The following SEC31B variants were observed in gnomAD, a reference collection of about 807,000 sequenced individuals.
SEC31B encodes the protein SEC31 homolog B, COPII component, also known as protein transport protein Sec31B.
A neutral mutation model predicts 135.0 loss-of-function variants in SEC31B; 113 were observed. That is an observed-to-expected ratio of 0.84 (90% confidence interval 0.72 to 0.98). The LOEUF (loss-of-function observed/expected upper bound fraction) is 0.98. Among genes scored for constraint, SEC31B ranks in the 50% least tolerant of loss-of-function variants. The probability of loss-of-function intolerance (pLI) is 0.00; values close to 1 mark genes in which losing one functional copy is unlikely to be tolerated. For missense variants in SEC31B, 1,296 were observed against 1,421.1 expected (o/e 0.91, Z 1.42); for synonymous variants, 508 against 549.4 (o/e 0.92, Z 1.05).
chr10:100,513,072 C>T (rs1851763711), intron 3 of SEC31B, among the ~76,000 whole-genome samples: 1 of 152,196 alleles, frequency 6.6e-6, no homozygotes, highest in Non-Finnish European at 1.5e-5. Context: ...GTTTATGATA[C>T]TGACTGTTGA....
intron 12 of SEC31B, 82 bp from the exon 13 acceptor site, chr10:100,499,340 C>T (rs1387954692): frequency 8.3e-7 from 1 of 1,197,756 alleles, no homozygotes; most frequent in Admixed American, 2.0e-5. Context: ...CTCCATACCC[C>T]ACCAACTGTA....
chr10:100,497,097 T>G (rs1851424067), intron 17 of SEC31B, 38 bp downstream of exon 17: 44 of 1,603,294 alleles, frequency 2.7e-5, no homozygotes, highest in Non-Finnish European at 3.7e-5. Flanking sequence ...CCTAAGGGCC[T>G]GGTGTGGAGT....
In SEC31B at chr10:100,499,650, G is replaced by T. The variant is rs112182216; in HGVS notation, c.1411-52C>A. On this transcript the variant is annotated intron_variant, in intron 11 of 25. Coordinates refer to ENST00000370345, the MANE Select transcript of SEC31B (RefSeq NM_015490.4). ...ATTCCATTAAATGAACATAAATGAC[G>T]CTCTTCCTACAACAAGCTGGGTATC... 1,998 of 1,334,550 alleles carry T rather than the reference G, an allele frequency of 1.5e-3. 26 individuals are homozygous for T. The African/African-American group carries it at 0.025, about 17-fold the overall frequency. 82.7% of individuals were successfully genotyped at this position (1,334,550 alleles called of 1,614,324 possible).
intron 15 of SEC31B, 92 bp from the exon 16 acceptor site, chr10:100,497,885 T>C (rs1851442777): frequency 6.2e-7 from 1 of 1,601,724 alleles, no homozygotes. Context: ...GAGCACTGAG[T>C]AGGGGCAAGG....
chr10:100,507,653 G>A, intron 6 of SEC31B, 86 bp from the exon 7 acceptor site: 1 of 1,559,120 alleles, frequency 6.4e-7, no homozygotes, highest in Non-Finnish European at 8.8e-7. Context: ...CAAGTTTTCT[G>A]TCTCTTTTGT....
intron 3 of SEC31B, among the ~76,000 whole-genome samples, chr10:100,515,865 T>C (rs1271601282): frequency 6.6e-6 from 1 of 151,512 alleles, no homozygotes; most frequent in East Asian, 1.9e-4. Context: ...GTCTGAGGCA[T>C]CTCTATCACA....
intron 10 of SEC31B, among the ~76,000 whole-genome samples, chr10:100,504,385 G>C (rs951250981): frequency 2.6e-5 from 4 of 152,162 alleles, no homozygotes; most frequent in Non-Finnish European, 5.9e-5. Flanking sequence ...AAGTGCTTCA[G>C]GGCCTTGTCA....
chr10:100,505,779 T>G (rs1480825531), intron 9 of SEC31B: 1 of 1,418,346 alleles, frequency 7.1e-7, no homozygotes, highest in Admixed American at 2.9e-5. Context: ...GAAATAACTG[T>G]CCCAGCAAAG....
intron 5 of SEC31B, among the ~76,000 whole-genome samples, 160 bp from the exon 6 acceptor site, chr10:100,508,211 G>A (rs373054468): frequency 6.6e-6 from 1 of 152,204 alleles, no homozygotes; most frequent in Non-Finnish European, 1.5e-5. Context: ...GAATTTTCCA[G>A]GGAGGATCCT....
intron 4 of SEC31B, 36 bp downstream of exon 4, chr10:100,509,280 T>C (rs1290584972): frequency 1.3e-6 from 2 of 1,597,050 alleles, no homozygotes; most frequent in East Asian, 2.2e-5. Context: ...TGTTGCTCCC[T>C]GGCTTGGCCA....
chr10:100,502,702 C>T (rs1317232363), intron 10 of SEC31B, among the ~76,000 whole-genome samples: 1 of 152,182 alleles, frequency 6.6e-6, no homozygotes, highest in Non-Finnish European at 1.5e-5. Flanking sequence ...CCACTTCAAA[C>T]TTCACCACAC....
intron 20 of SEC31B, 153 bp downstream of exon 20, chr10:100,490,553 C>T (rs965784754): frequency 3.5e-5 from 32 of 909,584 alleles, no homozygotes; most frequent in Middle Eastern, 3.5e-4. Context: ...GCCAAAGGTA[C>T]GAAGCCAGTG....
chr10:100,506,340 C>T lies in SEC31B; in HGVS notation c.863G>A (p.Arg288Gln), dbSNP rs1463541671. 29 of 1,614,000 alleles carry T rather than the reference C, an allele frequency of 1.8e-5. No homozygotes were observed. The highest frequency in any genetic ancestry group is 2.7e-5 in the African/African-American group (2 of 74,880). The change falls in exon 8 of 26, where the codon CGG (arginine) becomes CAG (glutamine). Residue 288 changes from arginine (R) to glutamine (Q), a missense_variant. Transcript: ENST00000370345. ...GCCTACCTCACTGCTCCCCAGGTTC[C>T]GGCACAAGATCTGGCTGTCCTTAGC... is the stretch of plus-strand genomic sequence containing the variant. Reference protein sequence around the residue: ...TSAKDSQILCRNLGSSEVVYK... With the variant: ...TSAKDSQILCQNLGSSEVVYK...
At chr10:100,500,259 T>C (rs1227561317) in intron 11 of SEC31B, 1 of 452,012 alleles carries the variant, frequency 2.2e-6, no homozygotes, top group African/African-American at 2.0e-5. Flanking sequence ...TCCCATATCC[T>C]TCCGAGGAGA....
At chr10:100,519,537 A>G (rs3750631) in intron 1 of SEC31B, among the ~76,000 whole-genome samples, 32,131 of 152,182 alleles carry the variant, frequency 0.21, 3,493 homozygotes, top group South Asian at 0.23. Context: ...GCAAGGCAGC[A>G]GTGAACAGGG....
intron 10 of SEC31B, 34 bp downstream of exon 10, chr10:100,505,305 CACACACACACACACACACACAA>C (rs776469844): frequency 3.3e-6 from 5 of 1,520,686 alleles, no homozygotes; most frequent in Non-Finnish European, 4.4e-6. Context: ...CACAAACACA[CACACACACACACACACACACAA>C]ACACACACAC....
chr10:100,494,976 C>A (rs1851376777), intron 19 of SEC31B: 2 of 234,254 alleles, frequency 8.5e-6, no homozygotes, highest in Non-Finnish European at 1.7e-5. Flanking sequence ...CAGGCACGTG[C>A]CACCATGCCC....
rs1020193702 is a variant in SEC31B at position 100,487,418 on chromosome 10, A to G, written c.*198T>C. 9 of 596,410 alleles carry G rather than the reference A, an allele frequency of 1.5e-5. No homozygotes were observed. The African/African-American group carries it at 1.7e-4, about 11-fold the overall frequency. The allele number at this position is 596,410 out of a possible 1,614,324, so 36.9% of individuals were successfully genotyped here. A position where few individuals can be genotyped will look rare whatever the true frequency, so the allele number is the denominator to read the frequency against. ...CTCCAGGCCTGAGAGTGTCTTGGAC[A>G]GATCCTAGAAGGCCAGACATAAAGG... On this transcript the variant is annotated 3_prime_UTR_variant, in exon 26 of 26. Coordinates refer to ENST00000370345, the MANE Select transcript of SEC31B (RefSeq NM_015490.4).
At position 100,508,908 on chromosome 10, in the gene SEC31B, TTGA is replaced by T. The variant is rs1296417066; in HGVS notation, c.495+96_495+98del. The T allele has an allele frequency of 5.5e-6, 5 of 913,466 alleles. No homozygotes were observed. The African/African-American group carries it at 8.3e-5, about 15-fold the overall frequency. The allele number at this position is 913,466 out of a possible 1,614,324, so 56.6% of individuals were successfully genotyped here. On this transcript the variant is annotated intron_variant, in intron 5 of 25. Transcript: ENST00000370345. ...CTTTATTGCCCTCCAGTGGTAAAGT[TTGA>T]TATCTCTTGAGCTCTGATTGGCTCC...
Sources: gnomAD v4.1 joint callset for allele counts (sites outside exome capture counted in the v4.1 genomes callset) on GRCh38, gnomAD v4.1.1 for gene constraint, MANE v1.5 for transcripts, NCBI Gene and HGNC (gene_info 2026-07-23, HGNC 2026-07-21) for gene names.